The following CTNNA2 variants were observed in gnomAD, a reference collection of about 807,000 sequenced individuals.
The protein encoded by CTNNA2 is catenin alpha-2.
Under a neutral mutation model 101.0 loss-of-function variants are expected in CTNNA2, and 42 were observed. The observed-to-expected ratio is 0.42, with a 90% confidence interval of 0.32 to 0.54. CTNNA2 has a LOEUF of 0.54. CTNNA2 is among the 20% of genes least tolerant of loss of function. The pLI is 0.14. For missense variants in CTNNA2, 871 were observed against 1,223.1 expected (o/e 0.71, Z 4.29); for synonymous variants, 450 against 456.4 (o/e 0.99, Z 0.18).
At chr2:79,764,696 G>A (rs1573909768) in intron 3 of CTNNA2, among the ~76,000 whole-genome samples, 1 of 152,158 alleles carries the variant, frequency 6.6e-6, no homozygotes, top group African/African-American at 2.4e-5. Flanking sequence ...CAGTAAAAAG[G>A]AAAAATAAGT....
At chr2:79,513,522 C>T (rs549986806) in intron 1 of CTNNA2, among the ~76,000 whole-genome samples, 1 of 152,238 alleles carries the variant, frequency 6.6e-6, no homozygotes, top group African/African-American at 2.4e-5. Context: ...ACCTCTTCCC[C>T]GGTGGGAGGG....
chr2:80,207,346 C>T (rs1442171241), intron 7 of CTNNA2, among the ~76,000 whole-genome samples: 1 of 152,112 alleles, frequency 6.6e-6, no homozygotes, highest in African/African-American at 2.4e-5. Flanking sequence ...CATTGGCCTC[C>T]TTGCTAGAAA....
At chr2:79,476,576 G>T (rs148741066) in intron 4 of CTNNA2, among the ~76,000 whole-genome samples, 2 of 152,236 alleles carry the variant, frequency 1.3e-5, no homozygotes, top group East Asian at 3.9e-4. Context: ...GTATATGGAG[G>T]TCTCATCTAG....
At chr2:80,586,399 T>C (rs1695973711) in intron 14 of CTNNA2, 1 of 152,202 alleles carries the variant, frequency 6.6e-6, no homozygotes, top group Non-Finnish European at 1.5e-5. Context: ...CTGGTAGTTT[T>C]ACGGATTCTT....
At chr2:80,609,743 A>AT (rs953360640) in intron 17 of CTNNA2, among the ~76,000 whole-genome samples, 2 of 151,508 alleles carry the variant, frequency 1.3e-5, no homozygotes, top group African/African-American at 4.8e-5. Flanking sequence ...GTGTGCTTTC[A>AT]TTTGTTACTT....
chr2:80,196,976 G>A (rs541649019), intron 7 of CTNNA2, among the ~76,000 whole-genome samples: 30 of 152,066 alleles, frequency 2.0e-4, no homozygotes, highest in South Asian at 1.0e-3. Context: ...CTTCAAACCC[G>A]CTGCCCTTTT....
At chr2:80,061,781 G>A (rs72924640) in intron 7 of CTNNA2, among the ~76,000 whole-genome samples, 3,362 of 152,182 alleles carry the variant, frequency 0.022, 120 homozygotes, top group African/African-American at 0.077. Flanking sequence ...TCCATGCCTT[G>A]GATGTGGCCT....
intron 2 of CTNNA2, among the ~76,000 whole-genome samples, chr2:79,685,400 C>CTGA (rs1480618084): frequency 2.6e-5 from 4 of 152,152 alleles, no homozygotes; most frequent in Non-Finnish European, 5.9e-5. Flanking sequence ...ACACAGAGAT[C>CTGA]TGATTATCTT....
At position 79,558,555 on chromosome 2, in the gene CTNNA2, G is replaced by T. The variant is rs1167960593; in HGVS notation, c.-6+45348G>T. On this transcript the variant is annotated intron_variant, in intron 1 of 18. Transcript: ENST00000402739. ...AACAAATGTAAAATATTTATTGTATGTGGTAGAAGGGCCTCAGTTCCTTAT... is the reference window on the plus strand; with the variant it reads ...AACAAATGTAAAATATTTATTGTATTTGGTAGAAGGGCCTCAGTTCCTTAT... Among the ~76,000 whole-genome samples the T allele has an allele frequency of 1.3e-5, 2 of 151,842 alleles. 1 individual carries two copies. The highest frequency in any genetic ancestry group is 6.3e-3 in the Middle Eastern group (2 of 316).
intron 1 of CTNNA2, among the ~76,000 whole-genome samples, chr2:79,638,450 T>C (rs1178235458): frequency 6.6e-6 from 1 of 152,230 alleles, no homozygotes; most frequent in African/African-American, 2.4e-5. Context: ...CAACTCGTGC[T>C]GAAATGTCAG....
intron 3 of CTNNA2, among the ~76,000 whole-genome samples, chr2:79,372,518 A>G (rs1677895676): frequency 6.6e-6 from 1 of 152,162 alleles, no homozygotes; most frequent in Non-Finnish European, 1.5e-5. Context: ...GGCTAATAGA[A>G]AGGGGGAAAA....
chr2:79,671,280 T>C (rs1682819549), intron 2 of CTNNA2, among the ~76,000 whole-genome samples: 1 of 152,166 alleles, frequency 6.6e-6, no homozygotes, highest in African/African-American at 2.4e-5. Flanking sequence ...TTTGACTAGC[T>C]CCAGCTCCGC....
At chr2:80,107,809 C>A (rs1189997934) in intron 7 of CTNNA2, among the ~76,000 whole-genome samples, 2 of 152,178 alleles carry the variant, frequency 1.3e-5, no homozygotes, top group Admixed American at 1.3e-4. Flanking sequence ...GCAGACACCC[C>A]ACCTGGGCAC....
intron 3 of CTNNA2, among the ~76,000 whole-genome samples, chr2:79,804,561 G>C (rs1676417900): frequency 1.3e-5 from 2 of 152,196 alleles, no homozygotes; most frequent in African/African-American, 2.4e-5. Flanking sequence ...AAGAGCCTGA[G>C]TGGGGAAAAT....
chr2:80,569,877 C>T (rs1426268162), intron 12 of CTNNA2, among the ~76,000 whole-genome samples: 2 of 151,680 alleles, frequency 1.3e-5, no homozygotes, highest in African/African-American at 4.8e-5. Flanking sequence ...CTCCTGACCT[C>T]GTGATCCACC....
In CTNNA2 at chr2:80,232,345, G is replaced by GTTTTTTTTTTT. The variant is rs61454985; in HGVS notation, c.1057-160833_1057-160823dup. Reference sequence around the variant, plus strand: ...GTTTTGTTTGTTTGTTTGTTTGTTTGTTTTTTTTTTTTTTTTTTTTTTTTT... The same window carrying GTTTTTTTTTTT: ...GTTTTGTTTGTTTGTTTGTTTGTTTGTTTTTTTTTTTTTTTTTTTTTTTTTTTTTTTTTTTT... On this transcript the variant is annotated intron_variant, in intron 7 of 18. Transcript: ENST00000402739. Among the ~76,000 whole-genome samples the GTTTTTTTTTTT allele has an allele frequency of 1.3e-3, 84 of 64,778 alleles. 2 individuals carry two copies. The highest frequency in any genetic ancestry group is 2.0e-3 in the East Asian group (3 of 1,476). The allele number at this position is 64,778 out of a possible 152,430, so 42.5% of individuals were successfully genotyped here.
intron 7 of CTNNA2, among the ~76,000 whole-genome samples, chr2:80,028,838 A>T (rs931264118): frequency 1.2e-4 from 19 of 152,222 alleles, no homozygotes; most frequent in African/African-American, 4.6e-4. Context: ...GCAAAAGATA[A>T]GGAAATAGAT....
intron 7 of CTNNA2, among the ~76,000 whole-genome samples, chr2:80,054,177 C>T (rs920980667): frequency 2.0e-5 from 3 of 152,264 alleles, no homozygotes; most frequent in East Asian, 1.9e-4. Flanking sequence ...TCTGAGGGCC[C>T]GACCTTGCTG....
intron 2 of CTNNA2, among the ~76,000 whole-genome samples, chr2:79,726,954 A>G (rs373906516): frequency 6.6e-5 from 10 of 152,228 alleles, no homozygotes; most frequent in East Asian, 5.8e-4. Context: ...TAATTAGGCA[A>G]TCACTGTGTT....
Sources: gnomAD v4.1 joint callset for allele counts (sites outside exome capture counted in the v4.1 genomes callset) on GRCh38, gnomAD v4.1.1 for gene constraint, MANE v1.5 for transcripts, NCBI Gene and HGNC (gene_info 2026-07-23, HGNC 2026-07-21) for gene names.